The following PLCG2 variants were observed in gnomAD, a reference collection of about 807,000 sequenced individuals.
The protein encoded by PLCG2 is 1-phosphatidylinositol 4,5-bisphosphate phosphodiesterase gamma-2.
Under a neutral mutation model 175.6 loss-of-function variants are expected in PLCG2, and 69 were observed. The observed-to-expected ratio is 0.39, with a 90% CI of 0.32 to 0.48. The LOEUF (loss-of-function observed/expected upper bound fraction) is 0.48, where lower values mean the gene tolerates loss of function less well. Among genes scored for constraint, PLCG2 ranks in the 20% least tolerant of loss-of-function variants. PLCG2 has a pLI of 0.91. For synonymous variants in PLCG2, 827 were observed against 624.0 expected (o/e 1.33, Z -4.85); for missense variants, 1,798 against 1,650.9 (o/e 1.09, Z -1.54).
upstream of PLCG2, among the ~76,000 whole-genome samples, chr16:81,777,598 C>T (rs1013097717): frequency 6.6e-6 from 1 of 152,078 alleles, no homozygotes; most frequent in African/African-American, 2.4e-5. Flanking sequence ...TGGTGATGAG[C>T]ACAGCTATAC....
intron 5 of PLCG2, among the ~76,000 whole-genome samples, chr16:81,861,144 A>G (rs1009269320): frequency 1.3e-5 from 2 of 152,194 alleles, no homozygotes; most frequent in Non-Finnish European, 2.9e-5. Flanking sequence ...TCCTTGTCTC[A>G]TGTTAGCCTC....
chr16:81,928,372 C>A (rs565019050), intron 23 of PLCG2, among the ~76,000 whole-genome samples, 186 bp from the exon 24 acceptor site: 1 of 152,120 alleles, frequency 6.6e-6, no homozygotes, highest in Non-Finnish European at 1.5e-5. Context: ...ACCCTCTCCC[C>A]GCCAGGTCCC....
intron 2 of PLCG2, among the ~76,000 whole-genome samples, chr16:81,761,933 G>C (rs1245784347): frequency 1.3e-5 from 2 of 150,478 alleles, no homozygotes; most frequent in Non-Finnish European, 2.9e-5. Flanking sequence ...CTAGGTTCAA[G>C]TGATTCTCCT....
chr16:81,823,455 T>A (rs751252591), intron 2 of PLCG2, among the ~76,000 whole-genome samples: 2 of 152,192 alleles, frequency 1.3e-5, no homozygotes, highest in Non-Finnish European at 2.9e-5. Flanking sequence ...GGCTGCACTG[T>A]CTGATCTCTG....
In PLCG2 at chr16:81,939,856, C is replaced by T. The variant is rs141513236; in HGVS notation, c.3314-36C>T. The T allele has an allele frequency of 9.1e-5, 136 of 1,494,344 alleles. No individual in the cohort carries two copies. In the East Asian group the frequency reaches 2.9e-3, roughly 32 times the overall value. 92.6% of individuals were successfully genotyped at this position (1,494,344 alleles called of 1,614,324 possible). A position where few individuals can be genotyped will look rare whatever the true frequency, so the allele number is the denominator to read the frequency against. ...TTGTCTTACCAGAAGGGGGCAGCTC[C>T]AATGTGGCCTCTCATGAGCTTTGAT... On this transcript the variant is annotated intron_variant, in intron 29 of 32. Transcript: ENST00000564138.
At chr16:81,913,422 G>T (rs1380533223) in intron 19 of PLCG2, among the ~76,000 whole-genome samples, 1 of 152,210 alleles carries the variant, frequency 6.6e-6, no homozygotes, top group Admixed American at 6.5e-5. Flanking sequence ...TATTGCAAGG[G>T]AGGAAACAGG....
At chr16:81,762,983 G>C (rs1404267387) in intron 2 of PLCG2, among the ~76,000 whole-genome samples, 1 of 152,160 alleles carries the variant, frequency 6.6e-6, no homozygotes, top group Non-Finnish European at 1.5e-5. Context: ...CTTAAGCCCA[G>C]GAGTTAAAGG....
chr16:81,917,018 T>A (rs1245347202), intron 19 of PLCG2, among the ~76,000 whole-genome samples: 1 of 152,188 alleles, frequency 6.6e-6, no homozygotes, highest in Non-Finnish European at 1.5e-5. Context: ...TGAAATTTTG[T>A]ATCCTTTGAC....
chr16:81,815,991 G>A (rs765210122), intron 2 of PLCG2, among the ~76,000 whole-genome samples: 5 of 152,202 alleles, frequency 3.3e-5, no homozygotes, highest in Admixed American at 6.5e-5. Flanking sequence ...GAACCCGGGA[G>A]GTGGAGGTTG....
chr16:81,936,041 C>T, intron 26 of PLCG2, 128 bp from the exon 27 acceptor site: 4 of 1,471,656 alleles, frequency 2.7e-6, no homozygotes, highest in African/African-American at 1.4e-5. Context: ...CATCAGAACC[C>T]CTTGAATGTC....
At chr16:81,761,838 T>C (rs905541489) in intron 2 of PLCG2, among the ~76,000 whole-genome samples, 1 of 151,648 alleles carries the variant, frequency 6.6e-6, no homozygotes, top group East Asian at 1.9e-4. Context: ...CATTTTTTTT[T>C]TTTTTTTTTT....
chr16:81,863,452 G>A (rs1183053453), intron 5 of PLCG2, among the ~76,000 whole-genome samples: 1 of 152,142 alleles, frequency 6.6e-6, no homozygotes, highest in Non-Finnish European at 1.5e-5. Flanking sequence ...CTTCTCCATC[G>A]ATGGACACTT....
In PLCG2 at chr16:81,921,509, C is replaced by T. The variant is rs1910061090; in HGVS notation, c.2307+240C>T. On this transcript the variant is annotated intron_variant, in intron 21 of 32. Coordinates refer to ENST00000564138, the MANE Select transcript of PLCG2 (RefSeq NM_002661.5). ...GTTTTGCTAAAATTCTGAGGTTTGA[C>T]GAACCACCTTTGGGCCAAATGGCTT... is the stretch of plus-strand genomic sequence containing the variant. 22 of 525,420 alleles carry T rather than the reference C, an allele frequency of 4.2e-5. 1 individual carries two copies. The highest frequency in any genetic ancestry group is 1.2e-4 in the South Asian group (6 of 51,252). The allele number at this position is 525,420 out of a possible 1,614,324, so 32.5% of individuals were successfully genotyped here.
intron 2 of PLCG2, among the ~76,000 whole-genome samples, chr16:81,843,312 T>C (rs1597349810): frequency 6.6e-6 from 1 of 152,354 alleles, no homozygotes; most frequent in South Asian, 2.1e-4. Flanking sequence ...TGGAAATCTT[T>C]TGGTACCCTT....
intron 24 of PLCG2, among the ~76,000 whole-genome samples, chr16:81,929,515 C>A (rs1213316351): frequency 6.6e-6 from 1 of 152,200 alleles, no homozygotes. Flanking sequence ...CCTGCCTCAG[C>A]CTCCTGAGTA....
intron 1 of PLCG2, among the ~76,000 whole-genome samples, chr16:81,754,579 A>C (rs1909884419): frequency 6.7e-6 from 1 of 148,796 alleles, no homozygotes. Flanking sequence ...AGCAGTGCAC[A>C]GCACTTCACA....
chr16:81,888,037 ACT>A (rs5818358), intron 9 of PLCG2, among the ~76,000 whole-genome samples: 81,915 of 151,810 alleles, frequency 0.54, 22,489 homozygotes, highest in Admixed American at 0.66. Context: ...TGGAGCTGAG[ACT>A]CTGCAGTTTA....
intron 2 of PLCG2, among the ~76,000 whole-genome samples, chr16:81,793,693 G>A (rs746090268): frequency 5.3e-5 from 8 of 152,164 alleles, no homozygotes; most frequent in Non-Finnish European, 1.0e-4. Flanking sequence ...TAGTGATACC[G>A]TTGATGAGAG....
chr16:81,914,090 G>A (rs1255034353), intron 19 of PLCG2, among the ~76,000 whole-genome samples: 1 of 152,178 alleles, frequency 6.6e-6, no homozygotes, highest in Non-Finnish European at 1.5e-5. Context: ...TGGGGAGGAG[G>A]TGTGTTCAGT....
Sources: gnomAD v4.1 joint callset for allele counts (sites outside exome capture counted in the v4.1 genomes callset) on GRCh38, gnomAD v4.1.1 for gene constraint, MANE v1.5 for transcripts, NCBI Gene and HGNC (gene_info 2026-07-23, HGNC 2026-07-21) for gene names.